The following SLC9A9 variants were observed in gnomAD, a reference collection of about 807,000 sequenced individuals.
The protein encoded by SLC9A9 is sodium/hydrogen exchanger 9.
Under a neutral mutation model 77.8 loss-of-function variants are expected in SLC9A9, and 62 were observed. The observed-to-expected ratio is 0.80, with a 90% CI of 0.65 to 0.98. The LOEUF (loss-of-function observed/expected upper bound fraction) is 0.98, where lower values mean the gene tolerates loss of function less well. Ranked by LOEUF, SLC9A9 falls within the 50% of genes least tolerant of loss-of-function variation. The probability of loss-of-function intolerance (pLI) is 0.00; values close to 1 mark genes in which losing one functional copy is unlikely to be tolerated. For missense variants in SLC9A9, 775 were observed against 774.9 expected (o/e 1.00, Z 0.00); for synonymous variants, 320 against 283.5 (o/e 1.13, Z -1.29).
chr3:143,547,811 C>T (rs1576569147), intron 9 of SLC9A9, among the ~76,000 whole-genome samples: 1 of 152,230 alleles, frequency 6.6e-6, no homozygotes, highest in East Asian at 1.9e-4. Flanking sequence ...AGCTACTCTT[C>T]CCTGCTTTAT....
intron 4 of SLC9A9, among the ~76,000 whole-genome samples, chr3:143,748,284 G>C (rs1157724819): frequency 6.6e-6 from 1 of 152,084 alleles, no homozygotes; most frequent in Non-Finnish European, 1.5e-5. Context: ...TAAGAGCCTT[G>C]TGGCTAGGTC....
intron 11 of SLC9A9, among the ~76,000 whole-genome samples, chr3:143,475,640 A>C (rs2035462845): frequency 6.6e-6 from 1 of 152,014 alleles, no homozygotes; most frequent in Admixed American, 6.5e-5. Flanking sequence ...CAAGTACAAA[A>C]AATTAGCTGG....
At chr3:143,823,832 A>AATGGAAAGGATGATTTTGGT (rs2009232287) in intron 2 of SLC9A9, among the ~76,000 whole-genome samples, 1 of 152,106 alleles carries the variant, frequency 6.6e-6, no homozygotes, top group Admixed American at 6.5e-5. Flanking sequence ...TATCTTAGAG[A>AATGGAAAGGATGATTTTGGT]ATGGAAAGGA....
chr3:143,823,820 C>T (rs914578931), intron 2 of SLC9A9, among the ~76,000 whole-genome samples: 1 of 151,546 alleles, frequency 6.6e-6, no homozygotes, highest in Non-Finnish European at 1.5e-5. Context: ...ATGAGGTGTC[C>T]ATATCTTAGA....
intron 1 of SLC9A9, among the ~76,000 whole-genome samples, chr3:143,835,514 G>C (rs1238320882): frequency 6.6e-6 from 1 of 152,184 alleles, no homozygotes; most frequent in Non-Finnish European, 1.5e-5. Context: ...GTGAAACATC[G>C]ACTCAGTGTT....
At chr3:143,347,749 C>T (rs1166623236) in intron 14 of SLC9A9, among the ~76,000 whole-genome samples, 5 of 152,134 alleles carry the variant, frequency 3.3e-5, no homozygotes, top group African/African-American at 1.2e-4. Flanking sequence ...TATTTTCAAC[C>T]CTCTCTTCCA....
At chr3:143,556,975 T>C (rs1412032700) in intron 8 of SLC9A9, among the ~76,000 whole-genome samples, 3 of 152,144 alleles carry the variant, frequency 2.0e-5, no homozygotes, top group Admixed American at 1.3e-4. Flanking sequence ...ATGGTTGGAA[T>C]TGGTATTTTT....
At chr3:143,778,656 T>C (rs902260372) in intron 4 of SLC9A9, among the ~76,000 whole-genome samples, 3 of 152,188 alleles carry the variant, frequency 2.0e-5, no homozygotes, top group East Asian at 1.9e-4. Flanking sequence ...ATCAGATATA[T>C]AGAAAATTAG....
intron 14 of SLC9A9, among the ~76,000 whole-genome samples, chr3:143,296,926 C>T (rs1265269212): frequency 6.6e-6 from 1 of 152,066 alleles, no homozygotes; most frequent in Admixed American, 6.6e-5. Context: ...TGTATATTTG[C>T]CCTTTATCAG....
chr3:143,729,612 C>T (rs569017961), intron 4 of SLC9A9, among the ~76,000 whole-genome samples: 21 of 152,252 alleles, frequency 1.4e-4, no homozygotes, highest in Middle Eastern at 3.4e-3. Context: ...AATCCAGACT[C>T]CTTGGGATGG....
In SLC9A9 at chr3:143,493,471, C is replaced by T. The variant is rs575666745; in HGVS notation, c.1315+182G>A. On this transcript the variant is annotated intron_variant, in intron 11 of 15. Transcript: ENST00000316549. Reference sequence around the variant, plus strand: ...AATAAGATTCCCTCTAACTTCATTTCCCACTTGGAAAGAGAAATCCTGCTG... The same window carrying T: ...AATAAGATTCCCTCTAACTTCATTTTCCACTTGGAAAGAGAAATCCTGCTG... 5.8e-4 allele frequency among the ~76,000 whole-genome samples: 88 copies of T among 152,272 alleles called. 1 individual carries two copies. Among genetic ancestry groups the T allele is most frequent in the Middle Eastern group, 3.4e-3 (1 of 294 alleles).
At chr3:143,447,550 C>G (rs1172790709) in intron 12 of SLC9A9, among the ~76,000 whole-genome samples, 1 of 152,058 alleles carries the variant, frequency 6.6e-6, no homozygotes, top group Non-Finnish European at 1.5e-5. Flanking sequence ...AGTTAGTATT[C>G]CCTAATGGTG....
chr3:143,463,430 A>C (rs561600487), intron 12 of SLC9A9, among the ~76,000 whole-genome samples: 1 of 152,286 alleles, frequency 6.6e-6, no homozygotes, highest in South Asian at 2.1e-4. Flanking sequence ...TTTAATGTTT[A>C]TTTGTAAGCA....
At chr3:143,346,516 G>A (rs1441616948) in intron 14 of SLC9A9, among the ~76,000 whole-genome samples, 1 of 152,180 alleles carries the variant, frequency 6.6e-6, no homozygotes, top group Non-Finnish European at 1.5e-5. Flanking sequence ...GCTGGGTGCA[G>A]TGGCTCATGC....
At chr3:143,819,799 T>G (rs1443017745) in intron 2 of SLC9A9, among the ~76,000 whole-genome samples, 1 of 152,228 alleles carries the variant, frequency 6.6e-6, no homozygotes, top group Admixed American at 6.5e-5. Flanking sequence ...GTTTTAAAGT[T>G]TCCTTCATAC....
At chr3:143,315,939 C>G (rs2031196189) in intron 14 of SLC9A9, among the ~76,000 whole-genome samples, 1 of 152,180 alleles carries the variant, frequency 6.6e-6, no homozygotes, top group South Asian at 2.1e-4. Flanking sequence ...GGATCTTTAG[C>G]TGGTGAAAAG....
chr3:143,678,898 T>A (rs1900632), intron 5 of SLC9A9, among the ~76,000 whole-genome samples: 88,010 of 152,026 alleles, frequency 0.58, 26,345 homozygotes, highest in East Asian at 0.72. Context: ...CATCGGCTAC[T>A]GCTTTCCTCC....
chr3:143,514,010 G>A (rs2036161832), intron 9 of SLC9A9, among the ~76,000 whole-genome samples: 1 of 151,390 alleles, frequency 6.6e-6, no homozygotes, highest in Non-Finnish European at 1.5e-5. Flanking sequence ...CCTACCCCAG[G>A]ACAGGCCTCG....
At chr3:143,689,938 G>C (rs73868084) in intron 5 of SLC9A9, among the ~76,000 whole-genome samples, 64 of 151,938 alleles carry the variant, frequency 4.2e-4, no homozygotes, top group African/African-American at 1.5e-3. Context: ...TTTGTTCTGT[G>C]ATTTTCTTTT....
Sources: allele counts gnomAD v4.1 joint callset (sites outside exome capture counted in the v4.1 genomes callset), GRCh38; gene constraint gnomAD v4.1.1; transcripts MANE v1.5; gene names NCBI Gene and HGNC (gene_info 2026-07-23, HGNC 2026-07-21).